The following SNTG1 variants were observed in gnomAD, a reference collection of about 807,000 sequenced individuals.
SNTG1 encodes syntrophin gamma 1.
In SNTG1, 39 loss-of-function variants were observed where a neutral mutation model predicts 74.7. That is an observed-to-expected ratio of 0.52 (90% confidence interval 0.40 to 0.68). The LOEUF (loss-of-function observed/expected upper bound fraction) is 0.68, where lower values mean the gene tolerates loss of function less well. Ranked by LOEUF, SNTG1 falls within the 30% of genes least tolerant of loss-of-function variation. The probability of loss-of-function intolerance (pLI) is 0.00; values close to 1 mark genes in which losing one functional copy is unlikely to be tolerated. For synonymous variants in SNTG1, 254 were observed against 217.1 expected (o/e 1.17, Z -1.49); for missense variants, 685 against 609.5 (o/e 1.12, Z -1.30).
At chr8:50,163,132 G>T (rs1217844264) in intron 1 of SNTG1, among the ~76,000 whole-genome samples, 1 of 152,110 alleles carries the variant, frequency 6.6e-6, no homozygotes, top group Non-Finnish European at 1.5e-5. Context: ...ACCCTCCAGG[G>T]AGGCCCTTTC....
chr8:50,577,492 G>A (rs964730562), intron 12 of SNTG1, among the ~76,000 whole-genome samples: 17 of 149,972 alleles, frequency 1.1e-4, no homozygotes, highest in African/African-American at 3.4e-4. Flanking sequence ...TCTTTGTGTG[G>A]CTTTGGTATC....
intron 13 of SNTG1, among the ~76,000 whole-genome samples, chr8:50,637,565 C>A (rs1422922749): frequency 6.6e-6 from 1 of 152,108 alleles, no homozygotes; most frequent in Non-Finnish European, 1.5e-5. Context: ...CCTAAATCTT[C>A]TTCCACTACA....
chr8:50,277,159 C>T (rs889640821), intron 2 of SNTG1, among the ~76,000 whole-genome samples: 10 of 150,652 alleles, frequency 6.6e-5, no homozygotes, highest in African/African-American at 2.2e-4. Context: ...TCCAGCTACT[C>T]GGGAGCCTGA....
At chr8:50,010,761 A>ACATATC (rs1815705082) in intron 1 of SNTG1, among the ~76,000 whole-genome samples, 1 of 149,034 alleles carries the variant, frequency 6.7e-6, no homozygotes, top group Non-Finnish European at 1.5e-5. Context: ...TATTTACCTG[A>ACATATC]CATATCCAAG....
At chr8:50,617,265 A>G (rs886372639) in intron 13 of SNTG1, among the ~76,000 whole-genome samples, 6 of 152,068 alleles carry the variant, frequency 3.9e-5, no homozygotes, top group Non-Finnish European at 5.9e-5. Context: ...ACTTTGACCT[A>G]TAACTGTGCT....
chr8:50,732,697 A>T (rs2095515792), intron 17 of SNTG1, among the ~76,000 whole-genome samples: 1 of 151,844 alleles, frequency 6.6e-6, no homozygotes, highest in Admixed American at 6.6e-5. Flanking sequence ...AAATTTTACA[A>T]CGTCATCAAC....
Position 50,137,322 on chromosome 8 carries a change from G to A in SNTG1, c.-102-35239G>A, listed in dbSNP as rs753528589. ...CATTCATCTTCATCGTCCTGCTGAT[G>A]GGACGCTCTGAGTCCCCCATCTCAT... On this transcript the variant is annotated intron_variant, in intron 1 of 18. Coordinates refer to ENST00000642720, the MANE Select transcript of SNTG1 (RefSeq NM_018967.5). Among the ~76,000 whole-genome samples the A allele has an allele frequency of 9.2e-5, 14 of 152,222 alleles. No homozygotes were observed. The Middle Eastern group carries it at 0.01, about 111-fold the overall frequency.
At chr8:50,042,851 C>T (rs1188073374) in intron 1 of SNTG1, among the ~76,000 whole-genome samples, 1 of 152,130 alleles carries the variant, frequency 6.6e-6, no homozygotes, top group Non-Finnish European at 1.5e-5. Context: ...CCCACCTTAG[C>T]CTCTCAAAGC....
rs146035177 is a variant in SNTG1 at position 50,536,891 on chromosome 8, G to A, written c.680+83G>A. The A allele has an allele frequency of 5.4e-5, 80 of 1,473,348 alleles. No homozygotes were observed. In the East Asian group the frequency reaches 9.5e-4, roughly 18 times the overall value. The allele number at this position is 1,473,348 out of a possible 1,614,324, so 91.3% of individuals were successfully genotyped here. On this transcript the variant is annotated intron_variant, in intron 11 of 18. Transcript: ENST00000642720. ...AAAACCTTTTGACATATCACAATAC[G>A]CCTTATGATTTTAGTATGTTTTTGA...
intron 2 of SNTG1, among the ~76,000 whole-genome samples, chr8:50,254,865 AAAG>A (rs2086807913): frequency 2.0e-5 from 3 of 150,484 alleles, no homozygotes; most frequent in Admixed American, 6.6e-5. Flanking sequence ...AAAAAAAAAA[AAAG>A]AAAGAAAGAA....
At chr8:49,922,208 C>T (rs1367700739) in intron 1 of SNTG1, among the ~76,000 whole-genome samples, 1 of 152,094 alleles carries the variant, frequency 6.6e-6, no homozygotes, top group African/African-American at 2.4e-5. Flanking sequence ...TTCAGGCAAA[C>T]AGAAGTTTGC....
intron 2 of SNTG1, among the ~76,000 whole-genome samples, chr8:50,247,682 T>C (rs1200262835): frequency 4.5e-4 from 2 of 4,480 alleles, no homozygotes; most frequent in Non-Finnish European, 0.013. Flanking sequence ...AAGTTTTTAG[T>C]TTTTTTTTTT....
At chr8:50,500,412 T>C (rs531333723) in intron 8 of SNTG1, among the ~76,000 whole-genome samples, 3 of 152,216 alleles carry the variant, frequency 2.0e-5, no homozygotes, top group South Asian at 4.1e-4. Flanking sequence ...AACATAACTT[T>C]TTTGGCTGAA....
At chr8:50,227,748 G>GA (rs34749100) in intron 2 of SNTG1, among the ~76,000 whole-genome samples, 75 of 146,514 alleles carry the variant, frequency 5.1e-4, no homozygotes, top group South Asian at 4.9e-3. Context: ...ACAAGGATAA[G>GA]AAAAAAAAAA....
intron 13 of SNTG1, among the ~76,000 whole-genome samples, chr8:50,598,081 C>G (rs1424515157): frequency 2.0e-5 from 3 of 151,316 alleles, no homozygotes; most frequent in Admixed American, 6.6e-5. Flanking sequence ...GATGCAATCC[C>G]ATTTGTCTAT....
At chr8:50,527,772 G>A (rs1316983566) in intron 9 of SNTG1, among the ~76,000 whole-genome samples, 4 of 151,792 alleles carry the variant, frequency 2.6e-5, no homozygotes, top group African/African-American at 9.7e-5. Context: ...AAATGTATTG[G>A]AATTTTGAAT....
At chr8:50,219,090 A>C (rs2084932669) in intron 2 of SNTG1, among the ~76,000 whole-genome samples, 1 of 152,222 alleles carries the variant, frequency 6.6e-6, no homozygotes. Flanking sequence ...GTAACCAAAG[A>C]ATGAGACAGT....
intron 12 of SNTG1, among the ~76,000 whole-genome samples, chr8:50,570,585 A>ATTATTGTTG (rs1554577422): frequency 4.7e-5 from 6 of 127,114 alleles, no homozygotes; most frequent in African/African-American, 1.7e-4. Flanking sequence ...TATTATTATT[A>ATTATTGTTG]TTGTTGTTAT....
chr8:49,999,236 C>T (rs967145613), intron 1 of SNTG1, among the ~76,000 whole-genome samples: 5 of 152,150 alleles, frequency 3.3e-5, no homozygotes, highest in African/African-American at 9.7e-5. Flanking sequence ...TTTTCTTTAA[C>T]GGTGCCCAGT....
Sources: allele counts gnomAD v4.1 joint callset (sites outside exome capture counted in the v4.1 genomes callset), GRCh38; gene constraint gnomAD v4.1.1; transcripts MANE v1.5; gene names NCBI Gene and HGNC (gene_info 2026-07-23, HGNC 2026-07-21).